The following NDUFAF6 variants were observed in gnomAD, a reference collection of about 807,000 sequenced individuals.
NDUFAF6 encodes the protein NADH dehydrogenase (ubiquinone) complex I, assembly factor 6.
Under a neutral mutation model 40.8 loss-of-function variants are expected in NDUFAF6, and 45 were observed. That is an observed-to-expected ratio of 1.10 (90% confidence interval 0.87 to 1.42). NDUFAF6 has a LOEUF of 1.42. Ranked by LOEUF, NDUFAF6 falls within the 40% of genes most tolerant of loss-of-function variation. The probability of loss-of-function intolerance (pLI) is 0.00; values close to 1 mark genes in which losing one functional copy is unlikely to be tolerated. For synonymous variants in NDUFAF6, 185 were observed against 155.9 expected (o/e 1.19, Z -1.39); for missense variants, 435 against 418.5 (o/e 1.04, Z -0.34).
At position 94,934,314 on chromosome 8, in the gene NDUFAF6, T is replaced by TAC. The variant is rs376984979; in HGVS notation, c.-935-11157_-935-11156dup. ...TAAATTCTTTTGCAAAGCTGCTGACTACACACACACACAACACTGCAAAGT... is the reference window on the plus strand; with the variant it reads ...TAAATTCTTTTGCAAAGCTGCTGACTACACACACACACACAACACTGCAAAGT... On this transcript the variant is annotated intron_variant, in intron 1 of 14. Coordinates refer to the NDUFAF6 transcript ENST00000396113. Among the ~76,000 whole-genome samples the TAC allele has an allele frequency of 5.9e-5, 9 of 151,922 alleles. No homozygotes were observed. The South Asian group carries it at 1.7e-3, about 28-fold the overall frequency.
At chr8:95,103,867 G>A (rs1485623386), downstream of NDUFAF6, among the ~76,000 whole-genome samples, 1 of 152,110 alleles carries the variant, frequency 6.6e-6, no homozygotes, top group South Asian at 2.1e-4. Flanking sequence ...CTAGCTTTTT[G>A]TTCTCTTAAT....
intron 2 of NDUFAF6, among the ~76,000 whole-genome samples, chr8:95,086,521 T>G (rs1287876032): frequency 6.6e-6 from 1 of 152,010 alleles, no homozygotes; most frequent in Non-Finnish European, 1.5e-5. Context: ...TAAACCCTCC[T>G]CAGAATCCCT....
intron 1 of NDUFAF6, among the ~76,000 whole-genome samples, chr8:94,972,705 A>G (rs1297952630): frequency 1.3e-5 from 2 of 150,086 alleles, no homozygotes; most frequent in East Asian, 3.9e-4. Context: ...AGCCTGGGCA[A>G]CGTAGCAAGA....
intron 2 of NDUFAF6, among the ~76,000 whole-genome samples, chr8:94,991,424 C>T (rs1027339229): frequency 1.1e-4 from 17 of 152,182 alleles, no homozygotes; most frequent in Admixed American, 4.6e-4. Context: ...AATCAGACTC[C>T]ATGTGCACCA....
rs376139285 is a variant in NDUFAF6, at chr8:94,981,955, C to T, written c.-84+982C>T. ...AAAAAAAAAAAAAAAATTGGCCAGGCGCGGTGGCTCACGCCTGTAATCCCA... is the reference window on the plus strand; with the variant it reads ...AAAAAAAAAAAAAAAATTGGCCAGGTGCGGTGGCTCACGCCTGTAATCCCA... On this transcript the variant is annotated intron_variant, in intron 2 of 9. Coordinates refer to the NDUFAF6 transcript ENST00000396111. Among the ~76,000 whole-genome samples, 54 of 150,684 alleles carry T rather than the reference C, an allele frequency of 3.6e-4. No individual in the cohort carries two copies. The East Asian group carries it at 9.2e-3, about 26-fold the overall frequency.
chr8:95,086,169 G>A (rs966459), intron 2 of NDUFAF6, among the ~76,000 whole-genome samples: 96,836 of 152,004 alleles, frequency 0.64, 31,888 homozygotes, highest in African/African-American at 0.8. Flanking sequence ...GGGGACTGAA[G>A]GAGAAAAACC....
chr8:95,004,349 C>CTTTTTTTT (rs11422482), intron 2 of NDUFAF6, among the ~76,000 whole-genome samples: 5 of 92,412 alleles, frequency 5.4e-5, no homozygotes, highest in Admixed American at 1.4e-4. Context: ...CTCACCATTA[C>CTTTTTTTT]TTTTTTTTTT....
downstream of NDUFAF6, among the ~76,000 whole-genome samples, chr8:95,059,288 T>G (rs1832506637): frequency 6.6e-6 from 1 of 152,196 alleles, no homozygotes; most frequent in Non-Finnish European, 1.5e-5. Flanking sequence ...TGTGAGTGGC[T>G]TAAAATGTTA....
rs1380216706 is a variant in NDUFAF6, at chr8:94,933,837, G to GT, written c.-935-11646_-935-11645insT. ...TGCCTGTAATCCCAGCACTTTGTGG[G>GT]GGGGGGGGGAGGATCACGAGGTCAG... On this transcript the variant is annotated intron_variant, in intron 1 of 14. Coordinates refer to the NDUFAF6 transcript ENST00000396113. 5.4e-5 allele frequency among the ~76,000 whole-genome samples: 8 copies of GT among 148,148 alleles called. 1 individual carries two copies. Among genetic ancestry groups the GT allele is most frequent in the Non-Finnish European group, 9.0e-5 (6 of 66,576 alleles).
At chr8:94,932,050 C>T (rs1423885714) in intron 1 of NDUFAF6, 18 of 1,606,036 alleles carry the variant, frequency 1.1e-5, no homozygotes, top group Admixed American at 1.7e-5. Context: ...ATCACACAGT[C>T]TCAAAGTGAA....
In NDUFAF6 at chr8:95,058,384, G is replaced by A. The variant is rs1832448346; in HGVS notation, c.*447G>A. ...ACCTGGAAGATGCATTTATTTAGGG[G>A]TCACAAATAGTGAAATTAATATTTG... On this transcript the variant is annotated 3_prime_UTR_variant, in exon 9 of 9. Transcript: ENST00000396124. The A allele has an allele frequency of 3.2e-6, 4 of 1,233,384 alleles. No individual in the cohort carries two copies. The highest frequency in any genetic ancestry group is 4.2e-5 in the Admixed American group (1 of 24,030). 76.4% of individuals were successfully genotyped at this position (1,233,384 alleles called of 1,614,324 possible). A position where few individuals can be genotyped will look rare whatever the true frequency, so the allele number is the denominator to read the frequency against.
chr8:94,949,223 C>A (rs1460294752), intron 2 of NDUFAF6: 1 of 150,158 alleles, frequency 6.7e-6, no homozygotes, highest in Non-Finnish European at 1.5e-5. Context: ...AGGACGCGGG[C>A]GGGGCGGGAC....
intron 2 of NDUFAF6, among the ~76,000 whole-genome samples, chr8:95,086,849 C>T (rs1042819970): frequency 6.6e-6 from 1 of 152,018 alleles, no homozygotes; most frequent in Non-Finnish European, 1.5e-5. Flanking sequence ...GTGATCCGCC[C>T]GCCTCCGCCC....
At chr8:95,086,482 G>A (rs1809045902) in intron 2 of NDUFAF6, among the ~76,000 whole-genome samples, 1 of 152,170 alleles carries the variant, frequency 6.6e-6, no homozygotes, top group South Asian at 2.1e-4. Flanking sequence ...CTCAGAAATA[G>A]CAAACTGTCC....
intron 1 of NDUFAF6, among the ~76,000 whole-genome samples, chr8:94,905,907 T>C (rs1346963983): frequency 2.0e-5 from 3 of 152,238 alleles, no homozygotes; most frequent in Non-Finnish European, 2.9e-5. Flanking sequence ...AATGTGAAAT[T>C]TGTAAACTTT....
At chr8:94,917,946 G>T (rs1397061063) in intron 1 of NDUFAF6, among the ~76,000 whole-genome samples, 1 of 152,184 alleles carries the variant, frequency 6.6e-6, no homozygotes, top group African/African-American at 2.4e-5. Flanking sequence ...TGGTCCCTCT[G>T]GGGGCTGTGA....
chr8:94,986,344 T>C (rs1022729452), intron 2 of NDUFAF6, among the ~76,000 whole-genome samples: 3 of 152,238 alleles, frequency 2.0e-5, no homozygotes, highest in Middle Eastern at 3.2e-3. Context: ...TCTCTATTGC[T>C]GTTTGCAGCT....
intron 2 of NDUFAF6, among the ~76,000 whole-genome samples, chr8:94,984,657 G>A (rs1368787281): frequency 6.6e-6 from 1 of 152,206 alleles, no homozygotes; most frequent in Non-Finnish European, 1.5e-5. Context: ...TTGTTTGGAA[G>A]ACTTTATTGG....
At chr8:95,062,696 G>A (rs1832600976), downstream of NDUFAF6, among the ~76,000 whole-genome samples, 1 of 152,218 alleles carries the variant, frequency 6.6e-6, no homozygotes, top group Non-Finnish European at 1.5e-5. Flanking sequence ...GCACAGCCAT[G>A]CTTTCTCCCA....
Sources: allele counts gnomAD v4.1 joint callset (sites outside exome capture counted in the v4.1 genomes callset), GRCh38; gene constraint gnomAD v4.1.1; transcripts MANE v1.5; gene names NCBI Gene and HGNC (gene_info 2026-07-23, HGNC 2026-07-21).